Variants in ALK observed in about 807,000 individuals in gnomAD.
ALK encodes ALK receptor tyrosine kinase, also known as ALK tyrosine kinase receptor.
ALK carries 74 observed loss-of-function variants against 163.1 expected under a neutral mutation model. The ratio of observed to expected loss-of-function variants is 0.45; its 90% CI spans 0.38 to 0.55. The LOEUF (loss-of-function observed/expected upper bound fraction) is 0.55, where lower values mean the gene tolerates loss of function less well. Ranked by LOEUF, ALK falls within the 20% of genes least tolerant of loss-of-function variation. The probability of loss-of-function intolerance (pLI) is 0.00; values close to 1 mark genes in which losing one functional copy is unlikely to be tolerated. For missense variants in ALK, 2,063 were observed against 2,105.3 expected (o/e 0.98, Z 0.39); for synonymous variants, 960 against 843.2 (o/e 1.14, Z -2.40).
rs375097381 is a variant in ALK, at chr2:29,717,583, C to T, written c.782G>A (p.Arg261Gln). ...DSFPFLSHRS[R>Q]YGLECSFDFP... Reference sequence around the variant, plus strand: ...AATATTAAACATATACTTACCATATCGGCTGCGATGAGACAGGAAAGGGAA... The same window carrying T: ...AATATTAAACATATACTTACCATATTGGCTGCGATGAGACAGGAAAGGGAA... The change falls in exon 2 of 29, where the codon CGA (arginine) becomes CAA (glutamine). Residue 261 changes from arginine to glutamine, a missense_variant. Transcript: ENST00000389048. 4.2e-5 allele frequency: 68 copies of T among 1,613,914 alleles called. 1 individual carries two copies. Among genetic ancestry groups the T allele is most frequent in the Admixed American group, 2.2e-4 (13 of 60,014 alleles).
chr2:29,841,911 C>A (rs1326334256), intron 1 of ALK, among the ~76,000 whole-genome samples: 2 of 152,160 alleles, frequency 1.3e-5, no homozygotes, highest in Non-Finnish European at 2.9e-5. Context: ...CACTCTTACC[C>A]CAGCCATGGT....
chr2:29,784,555 G>A (rs1336896097), intron 1 of ALK, among the ~76,000 whole-genome samples: 1 of 152,136 alleles, frequency 6.6e-6, no homozygotes, highest in Admixed American at 6.5e-5. Flanking sequence ...AATTAGCCAG[G>A]TGTGGTGGCA....
chr2:29,532,349 C>T (rs912511670), intron 3 of ALK, among the ~76,000 whole-genome samples: 5 of 152,178 alleles, frequency 3.3e-5, no homozygotes, highest in African/African-American at 1.2e-4. Flanking sequence ...TCAGGCAGAC[C>T]AAGGTTCGAA....
At chr2:29,749,173 G>A (rs1224256353) in intron 1 of ALK, among the ~76,000 whole-genome samples, 1 of 152,152 alleles carries the variant, frequency 6.6e-6, no homozygotes, top group Non-Finnish European at 1.5e-5. Flanking sequence ...AAAGCTCAAA[G>A]AGCTGCCCTC....
intron 2 of ALK, among the ~76,000 whole-genome samples, chr2:29,696,930 A>AC (rs1331918643): frequency 6.6e-6 from 1 of 151,222 alleles, no homozygotes; most frequent in African/African-American, 2.4e-5. Context: ...TTCCCTAAAA[A>AC]AAAAAATAAA....
chr2:29,302,732 AT>A (rs926270292), intron 8 of ALK, among the ~76,000 whole-genome samples: 10 of 151,952 alleles, frequency 6.6e-5, no homozygotes, highest in African/African-American at 2.4e-4. Context: ...TTTTTTGGCC[AT>A]TTTTTTTCAT....
chr2:29,896,384 C>T (rs1331614298), intron 1 of ALK, among the ~76,000 whole-genome samples: 1 of 152,094 alleles, frequency 6.6e-6, no homozygotes, highest in Non-Finnish European at 1.5e-5. Context: ...AAGCCCTAAT[C>T]CCCAATGTGA....
At chr2:29,831,446 C>T (rs189449493) in intron 1 of ALK, among the ~76,000 whole-genome samples, 1 of 151,998 alleles carries the variant, frequency 6.6e-6, no homozygotes, top group Admixed American at 6.5e-5. Flanking sequence ...TCTCTTTATG[C>T]CCTGAGGCAC....
At chr2:29,397,080 T>C (rs1426471267) in intron 4 of ALK, among the ~76,000 whole-genome samples, 4 of 152,034 alleles carry the variant, frequency 2.6e-5, no homozygotes, top group Admixed American at 6.6e-5. Context: ...AGTATCATTG[T>C]TTGAATTGTG....
chr2:29,744,570 T>C (rs6758314), intron 1 of ALK, among the ~76,000 whole-genome samples: 2,401 of 152,222 alleles, frequency 0.016, 57 homozygotes, highest in African/African-American at 0.054. Flanking sequence ...TCTGACTTTT[T>C]TTTAATTAAC....
intron 5 of ALK, among the ~76,000 whole-genome samples, chr2:29,370,708 G>T (rs929895098): frequency 6.6e-6 from 1 of 152,164 alleles, no homozygotes; most frequent in African/African-American, 2.4e-5. Flanking sequence ...GGCCCTTCCT[G>T]TTAATTAGAG....
intron 28 of ALK, among the ~76,000 whole-genome samples, chr2:29,195,196 A>G (rs1668993940): frequency 6.6e-6 from 1 of 152,224 alleles, no homozygotes; most frequent in Non-Finnish European, 1.5e-5. Context: ...ATTATAGACT[A>G]TTGAGAAAAA....
At position 29,750,630 on chromosome 2, in the gene ALK, GGGAAGGAAGGAAGGAAGGAAGGAA is replaced by G. The variant is rs1189354098; in HGVS notation, c.668-32957_668-32934del. 5.9e-3 allele frequency among the ~76,000 whole-genome samples: 427 copies of G among 71,896 alleles called. 7 individuals carry two copies. Among genetic ancestry groups the G allele is most frequent in the African/African-American group, 0.019 (365 of 19,172 alleles). 47.2% of individuals were successfully genotyped at this position (71,896 alleles called of 152,430 possible). A position where few individuals can be genotyped will look rare whatever the true frequency, so the allele number is the denominator to read the frequency against. ...GGAGTGGAGTGTAACGGAACAGAAT[GGGAAGGAAGGAAGGAAGGAAGGAA>G]GGAAGGAAGGAAGGAAGGAAGGAAG... On this transcript the variant is annotated intron_variant, in intron 1 of 28. Transcript: ENST00000389048.
intron 3 of ALK, among the ~76,000 whole-genome samples, chr2:29,588,305 A>C (rs1158352498): frequency 6.6e-6 from 1 of 152,154 alleles, no homozygotes; most frequent in African/African-American, 2.4e-5. Context: ...ATCTCAGCTC[A>C]TTGCAACCCC....
chr2:29,889,695 C>CAGAGAGAGAGAG (rs869083201), intron 1 of ALK, among the ~76,000 whole-genome samples: 3 of 101,944 alleles, frequency 2.9e-5, no homozygotes, highest in Non-Finnish European at 5.8e-5. Flanking sequence ...GATAGATAGA[C>CAGAGAGAGAGAG]AGAGAGAGAG....
intron 5 of ALK, among the ~76,000 whole-genome samples, chr2:29,342,784 C>T (rs938510948): frequency 9.9e-5 from 15 of 151,418 alleles, no homozygotes; most frequent in South Asian, 2.1e-4. Context: ...TGGAATCTAC[C>T]GGTGTGTGAG....
intron 5 of ALK, among the ~76,000 whole-genome samples, chr2:29,366,418 G>A (rs75952894): frequency 0.017 from 2,576 of 152,244 alleles, 65 homozygotes; most frequent in African/African-American, 0.059. Context: ...GGGCAGTGGG[G>A]AGCCCTTGGC....
intron 4 of ALK, among the ~76,000 whole-genome samples, chr2:29,467,233 T>C (rs931757875): frequency 4.9e-4 from 42 of 86,234 alleles, no homozygotes; most frequent in Non-Finnish European, 1.0e-3. Flanking sequence ...GAGAGTCTTA[T>C]TGATAACAGA....
intron 1 of ALK, among the ~76,000 whole-genome samples, chr2:29,791,489 G>T (rs1664187763): frequency 6.6e-6 from 1 of 152,166 alleles, no homozygotes; most frequent in Non-Finnish European, 1.5e-5. Context: ...AGGGGTGGTG[G>T]GTAGGGGAGA....
Sources: allele counts gnomAD v4.1 joint callset (sites outside exome capture counted in the v4.1 genomes callset), GRCh38; gene constraint gnomAD v4.1.1; transcripts MANE v1.5; gene names NCBI Gene and HGNC (gene_info 2026-07-23, HGNC 2026-07-21).